Variants in RALYL observed in about 807,000 individuals in gnomAD.
The protein encoded by RALYL is RALY RNA binding protein like, also known as RNA-binding Raly-like protein.
Under a neutral mutation model 35.1 loss-of-function variants are expected in RALYL, and 29 were observed. The observed-to-expected ratio is 0.83, with a 90% CI of 0.61 to 1.13. The LOEUF is 1.13. RALYL is among the 50% of genes most tolerant of loss of function. The pLI, the probability that RALYL is intolerant of heterozygous loss-of-function variation, is 0.00. For missense variants in RALYL, 359 were observed against 360.4 expected, an observed-to-expected ratio of 1.00 and a Z score of 0.03; for synonymous variants, 120 against 127.6, an observed-to-expected ratio of 0.94 and a Z score of 0.40.
intron 2 of RALYL, among the ~76,000 whole-genome samples, chr8:84,531,018 C>T (rs2059244110): frequency 2.0e-5 from 3 of 152,120 alleles, no homozygotes; most frequent in Non-Finnish European, 4.4e-5. Flanking sequence ...CCTTTACTGA[C>T]CAGCCTATCT....
chr8:84,223,168 C>CCTTT (rs1822842980), intron 1 of RALYL, among the ~76,000 whole-genome samples: 2 of 33,456 alleles, frequency 6.0e-5, no homozygotes, highest in African/African-American at 2.5e-4. Flanking sequence ...TTTCCTTCCT[C>CCTTT]CCTTCCCTTC....
At chr8:84,751,487 C>T (rs144330489) in intron 2 of RALYL, among the ~76,000 whole-genome samples, 1,967 of 152,174 alleles carry the variant, frequency 0.013, 45 homozygotes, top group African/African-American at 0.044. Flanking sequence ...GGATTACAGG[C>T]GTGAACCACC....
At chr8:84,769,045 G>T (rs186799078) in intron 2 of RALYL, among the ~76,000 whole-genome samples, 1 of 152,240 alleles carries the variant, frequency 6.6e-6, no homozygotes, top group Admixed American at 6.5e-5. Context: ...ATTTATTGAT[G>T]AGAATAATTT....
chr8:84,825,455 T>C (rs1032818339), intron 4 of RALYL, among the ~76,000 whole-genome samples: 1 of 152,104 alleles, frequency 6.6e-6, no homozygotes, highest in Admixed American at 6.6e-5. Flanking sequence ...TCAAAGAACT[T>C]AAAATATAAC....
chr8:84,737,523 A>G (rs1480627017), intron 2 of RALYL, among the ~76,000 whole-genome samples: 1 of 152,068 alleles, frequency 6.6e-6, no homozygotes, highest in African/African-American at 2.4e-5. Flanking sequence ...TATTAAGTAA[A>G]GGACATTCCC....
At chr8:84,552,307 C>T (rs1450800590) in intron 2 of RALYL, among the ~76,000 whole-genome samples, 1 of 125,550 alleles carries the variant, frequency 8.0e-6, no homozygotes, top group East Asian at 2.5e-4. Flanking sequence ...TGTTGTTTTA[C>T]CTATTGTGTA....
chr8:84,819,633 C>CTT (rs1828071918), intron 4 of RALYL, among the ~76,000 whole-genome samples: 1 of 152,076 alleles, frequency 6.6e-6, no homozygotes, highest in African/African-American at 2.4e-5. Context: ...AAAAAAATGT[C>CTT]TTAAGAAACA....
intron 2 of RALYL, among the ~76,000 whole-genome samples, chr8:84,653,608 T>C (rs1351744832): frequency 2.6e-5 from 4 of 151,934 alleles, no homozygotes; most frequent in Middle Eastern, 3.2e-3. Flanking sequence ...CTAGTAGAGA[T>C]CTCTGATTAA....
intron 4 of RALYL, among the ~76,000 whole-genome samples, chr8:84,843,796 C>G (rs1454796910): frequency 6.6e-6 from 1 of 152,064 alleles, no homozygotes; most frequent in East Asian, 1.9e-4. Context: ...CAGAACAGAG[C>G]CCTCAGAAAT....
intron 3 of RALYL, among the ~76,000 whole-genome samples, chr8:84,796,048 C>T (rs542852847): frequency 1.3e-5 from 2 of 152,256 alleles, no homozygotes; most frequent in South Asian, 2.1e-4. Context: ...ATGGCTGGCA[C>T]GAGAGTCCAC....
intron 1 of RALYL, among the ~76,000 whole-genome samples, chr8:84,394,780 T>A (rs16912784): frequency 0.014 from 2,194 of 152,004 alleles, 54 homozygotes; most frequent in African/African-American, 0.05. Flanking sequence ...TATGCAAAGG[T>A]TTTTTACAAA....
intron 2 of RALYL, among the ~76,000 whole-genome samples, chr8:84,707,533 C>T (rs866313196): frequency 2.5e-4 from 38 of 151,680 alleles, no homozygotes; most frequent in Admixed American, 6.6e-4. Context: ...CTGAAGTCTG[C>T]GATTAAGCAG....
chr8:84,434,175 G>A (rs1481988631), intron 1 of RALYL, among the ~76,000 whole-genome samples: 1 of 151,916 alleles, frequency 6.6e-6, no homozygotes, highest in Admixed American at 6.6e-5. Context: ...TTGTCACATG[G>A]CCTTCCCTTT....
intron 2 of RALYL, among the ~76,000 whole-genome samples, chr8:84,666,603 G>A (rs754326988): frequency 3.3e-5 from 5 of 152,018 alleles, no homozygotes; most frequent in Non-Finnish European, 5.9e-5. Context: ...AAATCAAAAT[G>A]TCTGGTTATG....
chr8:84,690,657 T>A (rs1837845618), intron 2 of RALYL, among the ~76,000 whole-genome samples: 1 of 151,974 alleles, frequency 6.6e-6, no homozygotes, highest in South Asian at 2.1e-4. Flanking sequence ...AGCTAGAAAA[T>A]TTAAAAACAA....
chr8:84,195,564 A>G (rs1411409645), intron 1 of RALYL, among the ~76,000 whole-genome samples: 1 of 152,256 alleles, frequency 6.6e-6, no homozygotes, highest in East Asian at 1.9e-4. Context: ...ATGACTATTA[A>G]GAAAAGTAAA....
At chr8:84,551,183 A>G (rs1192828563) in intron 2 of RALYL, among the ~76,000 whole-genome samples, 1 of 152,046 alleles carries the variant, frequency 6.6e-6, no homozygotes, top group Admixed American at 6.6e-5. Context: ...CTACTAGATA[A>G]AGGCTAGAGA....
At chr8:84,614,143 G>A (rs1431836722) in intron 2 of RALYL, among the ~76,000 whole-genome samples, 5 of 151,478 alleles carry the variant, frequency 3.3e-5, no homozygotes, top group Admixed American at 2.6e-4. Context: ...AATTTTCAAA[G>A]ATAATTAGTT....
chr8:84,365,711 T>A (rs1854101090), intron 1 of RALYL, among the ~76,000 whole-genome samples: 1 of 152,162 alleles, frequency 6.6e-6, no homozygotes, highest in African/African-American at 2.4e-5. Flanking sequence ...TTAATCAAGG[T>A]TCTTGGATAC....
Sources: gnomAD v4.1 joint callset for allele counts (sites outside exome capture counted in the v4.1 genomes callset) on GRCh38, gnomAD v4.1.1 for gene constraint, MANE v1.5 for transcripts, NCBI Gene and HGNC (gene_info 2026-07-23, HGNC 2026-07-21) for gene names.